Variants in GPHN observed in about 807,000 individuals in gnomAD.
GPHN encodes the protein gephyrin.
In GPHN, 17 loss-of-function variants were observed where a neutral mutation model predicts 95.5. That is an observed-to-expected ratio of 0.18 (90% CI 0.12 to 0.27). GPHN has a LOEUF of 0.27. GPHN is among the 10% of genes least tolerant of loss of function. GPHN has a pLI of 1.00. For missense variants in GPHN, 660 were observed against 978.1 expected (o/e 0.67, Z 4.34); for synonymous variants, 320 against 322.5 (o/e 0.99, Z 0.08).
chr14:67,284,696 T>G, the GPHN span, among the ~76,000 whole-genome samples: 4 of 151,712 alleles, frequency 2.6e-5, no homozygotes, highest in Non-Finnish European at 5.9e-5. Flanking sequence ...ATACTTTCTT[T>G]TTGGATTTGC....
intron 2 of GPHN, among the ~76,000 whole-genome samples, chr14:66,722,130 C>T (rs940749578): frequency 6.6e-6 from 1 of 151,698 alleles, no homozygotes; most frequent in Admixed American, 6.6e-5. Context: ...TTTATAAGCA[C>T]ATATAGAAGT....
intron 9 of GPHN, among the ~76,000 whole-genome samples, chr14:67,011,695 T>C (rs866992917): frequency 5.3e-5 from 8 of 152,098 alleles, no homozygotes; most frequent in Middle Eastern, 3.4e-3. Flanking sequence ...TACTCCTCTT[T>C]CTCTCTTTCT....
intron 2 of GPHN, among the ~76,000 whole-genome samples, chr14:66,771,594 T>A (rs550495732): frequency 4.0e-4 from 61 of 152,198 alleles, no homozygotes; most frequent in Admixed American, 5.9e-4. Flanking sequence ...TTTTATCATA[T>A]ATTAAGTTTT....
At chr14:67,209,819 G>GAA in the GPHN span, among the ~76,000 whole-genome samples, 9 of 76,924 alleles carry the variant, frequency 1.2e-4, no homozygotes, top group South Asian at 4.5e-4. Context: ...CTCCATCTCG[G>GAA]AAAAAAAAAA....
chr14:67,110,136 C>T lies in GPHN; in HGVS notation c.1294-4C>T, dbSNP rs752588302. The T allele has an allele frequency of 4.3e-6, 7 of 1,612,910 alleles. No homozygotes were observed. Among genetic ancestry groups the T allele is most frequent in the Non-Finnish European group, 5.9e-6 (7 of 1,178,986 alleles). On this transcript the variant is annotated splice_polypyrimidine_tract_variant and splice_region_variant and intron_variant, in intron 13 of 22. Coordinates refer to ENST00000478722, the MANE Select transcript of GPHN (RefSeq NM_020806.5). ...TCAACTGTCTTTTTCATCTTTATTT[C>T]CAGCCAACTCAGACAGTAATGCCAG...
At chr14:67,662,781 G>A in the GPHN span, among the ~76,000 whole-genome samples, 3 of 151,548 alleles carry the variant, frequency 2.0e-5, no homozygotes, top group African/African-American at 7.3e-5. Flanking sequence ...GCAGGCACCT[G>A]TAATCTCAGC....
chr14:67,552,654 C>CTA, the GPHN span, among the ~76,000 whole-genome samples: 27,754 of 151,788 alleles, frequency 0.18, 3,154 homozygotes, highest in East Asian at 0.28. Context: ...GTAGTCCCAG[C>CTA]TACTCGGGAG....
chr14:67,215,904 C>T, the GPHN span, among the ~76,000 whole-genome samples: 1 of 152,180 alleles, frequency 6.6e-6, no homozygotes, highest in Admixed American at 6.6e-5. Flanking sequence ...ATCATTTCAG[C>T]TACTTCTTTC....
chr14:67,036,403 T>C (rs2074423155), intron 10 of GPHN, among the ~76,000 whole-genome samples: 1 of 149,734 alleles, frequency 6.7e-6, no homozygotes, highest in South Asian at 2.1e-4. Context: ...AGAAAGAAAA[T>C]GCATCCCAAA....
At chr14:66,685,786 A>T (rs1020938329) in intron 2 of GPHN, among the ~76,000 whole-genome samples, 1 of 152,116 alleles carries the variant, frequency 6.6e-6, no homozygotes, top group African/African-American at 2.4e-5. Flanking sequence ...TTATGTTGCC[A>T]TTGCTTTTGG....
At chr14:66,553,969 T>A (rs1430282259) in intron 1 of GPHN, among the ~76,000 whole-genome samples, 1 of 152,226 alleles carries the variant, frequency 6.6e-6, no homozygotes, top group Admixed American at 6.5e-5. Context: ...ATTATTGATT[T>A]TTAACGTGAT....
chr14:67,567,448 T>C, the GPHN span, among the ~76,000 whole-genome samples: 1 of 152,220 alleles, frequency 6.6e-6, no homozygotes, highest in Non-Finnish European at 1.5e-5. Context: ...TCTGCAAAGT[T>C]AGAGGCTTGT....
intron 18 of GPHN, among the ~76,000 whole-genome samples, chr14:67,148,330 C>T (rs2081024837): frequency 6.6e-6 from 1 of 152,128 alleles, no homozygotes. Context: ...TCAGCAAACT[C>T]ACTAAAATTT....
intron 21 of GPHN, among the ~76,000 whole-genome samples, chr14:67,176,472 G>A (rs1029796887): frequency 1.3e-5 from 2 of 152,102 alleles, no homozygotes; most frequent in African/African-American, 4.8e-5. Context: ...TGCTGGATTC[G>A]GCTTGCCAGT....
intron 17 of GPHN, among the ~76,000 whole-genome samples, chr14:67,140,714 G>A (rs2080405927): frequency 6.6e-6 from 1 of 152,172 alleles, no homozygotes; most frequent in Admixed American, 6.5e-5. Flanking sequence ...TAGTAAATGA[G>A]GAACCATTGG....
chr14:67,163,085 C>T (rs188333488), intron 19 of GPHN, among the ~76,000 whole-genome samples: 37 of 152,196 alleles, frequency 2.4e-4, no homozygotes, highest in Admixed American at 9.8e-4. Flanking sequence ...ACAGGAGGAT[C>T]GCTTGAGCTC....
chr14:67,666,200 T>C, the GPHN span, among the ~76,000 whole-genome samples: 1 of 152,216 alleles, frequency 6.6e-6, no homozygotes, highest in South Asian at 2.1e-4. Flanking sequence ...TCCTAGACTT[T>C]TCTACAACTG....
At chr14:66,533,834 G>A (rs374694270) in intron 1 of GPHN, among the ~76,000 whole-genome samples, 5 of 152,286 alleles carry the variant, frequency 3.3e-5, no homozygotes, top group African/African-American at 9.6e-5. Context: ...CTGGTAATTT[G>A]AAATTTGAGA....
intron 4 of GPHN, among the ~76,000 whole-genome samples, chr14:66,844,760 T>C (rs1825339500): frequency 6.6e-6 from 1 of 152,266 alleles, no homozygotes; most frequent in South Asian, 2.1e-4. Context: ...TTTAACCAAT[T>C]TTAAGTGTAC....
Sources: allele counts gnomAD v4.1 joint callset (sites outside exome capture counted in the v4.1 genomes callset), GRCh38; gene constraint gnomAD v4.1.1; transcripts MANE v1.5; gene names NCBI Gene and HGNC (gene_info 2026-07-23, HGNC 2026-07-21).